Variants in CDH18 observed in about 807,000 individuals in gnomAD.
CDH18 encodes cadherin 18, also known as cadherin-18.
A neutral mutation model predicts 67.9 loss-of-function variants in CDH18; 31 were observed. The ratio of observed to expected loss-of-function variants is 0.46; its 90% CI spans 0.34 to 0.62. The LOEUF (loss-of-function observed/expected upper bound fraction) is 0.62, where lower values mean the gene tolerates loss of function less well. Among genes scored for constraint, CDH18 ranks in the 20% least tolerant of loss-of-function variants. CDH18 has a pLI of 0.01. For missense variants in CDH18, 890 were observed against 975.5 expected (o/e 0.91, Z 1.17); for synonymous variants, 362 against 347.2 (o/e 1.04, Z -0.48).
At chr5:20,498,725 A>T (rs1754060432) in intron 1 of CDH18, among the ~76,000 whole-genome samples, 1 of 152,112 alleles carries the variant, frequency 6.6e-6, no homozygotes, top group South Asian at 2.1e-4. Context: ...TCCACAGGTT[A>T]TTACAAAAAT....
chr5:19,684,754 T>G (rs1760825586), intron 5 of CDH18, among the ~76,000 whole-genome samples: 1 of 152,020 alleles, frequency 6.6e-6, no homozygotes, highest in Non-Finnish European at 1.5e-5. Flanking sequence ...AGAAAGAATA[T>G]TGCCTTAAAG....
At chr5:19,566,284 A>T (rs1740385527) in intron 8 of CDH18, among the ~76,000 whole-genome samples, 1 of 152,186 alleles carries the variant, frequency 6.6e-6, no homozygotes, top group Non-Finnish European at 1.5e-5. Context: ...TGGGAACGTA[A>T]ATTAGTACAA....
At chr5:19,583,613 A>T (rs1580335244) in intron 7 of CDH18, among the ~76,000 whole-genome samples, 1 of 152,258 alleles carries the variant, frequency 6.6e-6, no homozygotes, top group East Asian at 1.9e-4. Flanking sequence ...ACTGGTGCAA[A>T]AATAGGAAGA....
At chr5:20,076,190 T>G (rs1218446482) in intron 2 of CDH18, among the ~76,000 whole-genome samples, 1 of 152,176 alleles carries the variant, frequency 6.6e-6, no homozygotes, top group African/African-American at 2.4e-5. Context: ...CAATGTACAT[T>G]TATTACATAT....
At chr5:19,571,125 A>G (rs1580270191) in intron 8 of CDH18, among the ~76,000 whole-genome samples, 1 of 152,204 alleles carries the variant, frequency 6.6e-6, no homozygotes, top group Non-Finnish European at 1.5e-5. Flanking sequence ...AGACACAGAC[A>G]TTATTTTTCC....
chr5:19,891,094 G>A (rs776220819), intron 2 of CDH18, among the ~76,000 whole-genome samples: 1 of 151,956 alleles, frequency 6.6e-6, no homozygotes, highest in Non-Finnish European at 1.5e-5. Flanking sequence ...CTTGGCACTG[G>A]CATCCTTTGG....
At chr5:19,494,393 G>C (rs1284289301) in intron 11 of CDH18, among the ~76,000 whole-genome samples, 1 of 152,122 alleles carries the variant, frequency 6.6e-6, no homozygotes, top group East Asian at 1.9e-4. Flanking sequence ...GTAAACATAA[G>C]GAAGTGGCCA....
intron 3 of CDH18, among the ~76,000 whole-genome samples, chr5:19,834,055 C>T (rs753292945): frequency 2.0e-5 from 3 of 151,930 alleles, no homozygotes; most frequent in Non-Finnish European, 4.4e-5. Flanking sequence ...GGAGGAGTCC[C>T]TTCTTTTCAA....
At chr5:20,351,688 T>C (rs1741196648) in intron 1 of CDH18, among the ~76,000 whole-genome samples, 1 of 152,108 alleles carries the variant, frequency 6.6e-6, no homozygotes, top group Non-Finnish European at 1.5e-5. Context: ...GATATGAATG[T>C]CCATTGTGAA....
At chr5:19,518,058 A>G (rs984619216) in intron 10 of CDH18, among the ~76,000 whole-genome samples, 5 of 151,956 alleles carry the variant, frequency 3.3e-5, no homozygotes, top group Non-Finnish European at 7.4e-5. Flanking sequence ...GTATGCATCC[A>G]TTTTTAATAG....
chr5:19,582,003 T>G (rs547365299), intron 7 of CDH18, among the ~76,000 whole-genome samples: 1 of 152,188 alleles, frequency 6.6e-6, no homozygotes, highest in Non-Finnish European at 1.5e-5. Context: ...TTATTCATTG[T>G]GTATAATTCT....
intron 3 of CDH18, among the ~76,000 whole-genome samples, chr5:19,793,390 AT>A (rs1330459741): frequency 1.3e-5 from 2 of 152,274 alleles, no homozygotes; most frequent in East Asian, 3.9e-4. Flanking sequence ...GTTTTAAGTC[AT>A]TTTATCAATA....
intron 3 of CDH18, among the ~76,000 whole-genome samples, chr5:19,748,102 G>A (rs531469205): frequency 0.014 from 114 of 8,346 alleles, no homozygotes; most frequent in African/African-American, 0.018. Context: ...GACAGAGCGA[G>A]ACTCCATCTC....
At chr5:19,698,618 AT>A (rs1378418604) in intron 5 of CDH18, among the ~76,000 whole-genome samples, 5 of 152,160 alleles carry the variant, frequency 3.3e-5, no homozygotes, top group Non-Finnish European at 7.4e-5. Context: ...AATCAATGTA[AT>A]AAAAAATATA....
chr5:19,953,140 A>C (rs1795957260), intron 2 of CDH18, among the ~76,000 whole-genome samples: 1 of 152,140 alleles, frequency 6.6e-6, no homozygotes, highest in African/African-American at 2.4e-5. Context: ...CTCACAGAGC[A>C]CATTGAAACA....
chr5:19,698,701 T>TA (rs1049037845), intron 5 of CDH18, among the ~76,000 whole-genome samples: 1 of 151,940 alleles, frequency 6.6e-6, no homozygotes, highest in African/African-American at 2.4e-5. Context: ...ATAAAAATAA[T>TA]ATGTATACAT....
At chr5:20,138,741 G>A (rs1366576210) in intron 2 of CDH18, among the ~76,000 whole-genome samples, 1 of 152,068 alleles carries the variant, frequency 6.6e-6, no homozygotes, top group Non-Finnish European at 1.5e-5. Context: ...CAAATACTGA[G>A]GAATCCAACT....
intron 10 of CDH18, among the ~76,000 whole-genome samples, chr5:19,508,222 G>T (rs2126805904): frequency 6.6e-6 from 1 of 152,094 alleles, no homozygotes; most frequent in African/African-American, 2.4e-5. Context: ...TGTTACCTTA[G>T]ACTTTCTTTA....
At chr5:20,016,312 G>A (rs988607548) in intron 2 of CDH18, among the ~76,000 whole-genome samples, 2 of 152,064 alleles carry the variant, frequency 1.3e-5, no homozygotes, top group African/African-American at 4.8e-5. Context: ...GACCTTACTT[G>A]AAGATGGAGG....
Sources: gnomAD v4.1 joint callset for allele counts (sites outside exome capture counted in the v4.1 genomes callset) on GRCh38, gnomAD v4.1.1 for gene constraint, MANE v1.5 for transcripts, NCBI Gene and HGNC (gene_info 2026-07-23, HGNC 2026-07-21) for gene names.